Variants in NOS1AP observed in about 807,000 individuals in gnomAD.
The protein encoded by NOS1AP is carboxyl-terminal PDZ ligand of neuronal nitric oxide synthase protein.
Under a neutral mutation model 56.2 loss-of-function variants are expected in NOS1AP, and 21 were observed. The ratio of observed to expected loss-of-function variants is 0.37; its 90% CI spans 0.26 to 0.54. The LOEUF (loss-of-function observed/expected upper bound fraction) is 0.54. NOS1AP is among the 20% of genes least tolerant of loss of function. The probability of loss-of-function intolerance (pLI) is 0.84; values close to 1 mark genes in which losing one functional copy is unlikely to be tolerated. For synonymous variants in NOS1AP, 270 were observed against 274.6 expected (o/e 0.98, Z 0.17); for missense variants, 522 against 657.8 (o/e 0.79, Z 2.26).
At position 162,142,768 on chromosome 1, in the gene NOS1AP, T is replaced by C. The variant is rs558660563; in HGVS notation, c.106-11637T>C. Among the ~76,000 whole-genome samples the C allele has an allele frequency of 5.3e-5, 8 of 152,326 alleles. No homozygotes were observed. The South Asian group carries it at 1.4e-3, about 28-fold the overall frequency. ...TTAATAGTAGTCTGGAGCCATTCCTTGCAGGGTCGTTGCTGACTTGTAACT... is the reference window on the plus strand; with the variant it reads ...TTAATAGTAGTCTGGAGCCATTCCTCGCAGGGTCGTTGCTGACTTGTAACT... On this transcript the variant is annotated intron_variant, in intron 1 of 9. Coordinates refer to ENST00000361897, the MANE Select transcript of NOS1AP (RefSeq NM_014697.3).
chr1:162,284,764 G>A (rs1268837968), intron 2 of NOS1AP, among the ~76,000 whole-genome samples: 1 of 152,198 alleles, frequency 6.6e-6, no homozygotes, highest in Non-Finnish European at 1.5e-5. Context: ...AAATAGATAA[G>A]GTTTCAGATA....
intron 2 of NOS1AP, among the ~76,000 whole-genome samples, chr1:162,258,574 C>T (rs1654109010): frequency 6.6e-6 from 1 of 152,160 alleles, no homozygotes; most frequent in Non-Finnish European, 1.5e-5. Context: ...GGCTTAACTC[C>T]CAGCTCCAGA....
rs1651826528 is a variant in NOS1AP at position 162,196,966 on chromosome 1, G to A, written c.177+42490G>A. On this transcript the variant is annotated intron_variant, in intron 2 of 9. Transcript: ENST00000361897. The stretch of plus-strand genomic sequence containing the variant: ...GGCAGTAGCATTTCATTTTCCAGCT[G>A]TAACTAAATGAGAAATTACGAGGAG... Among the ~76,000 whole-genome samples, 3 of 152,000 alleles carry A rather than the reference G, an allele frequency of 2.0e-5. No individual in the cohort carries two copies. The South Asian group carries it at 6.2e-4, about 32-fold the overall frequency.
chr1:162,074,064 T>C (rs1691720066), intron 1 of NOS1AP, among the ~76,000 whole-genome samples: 1 of 152,230 alleles, frequency 6.6e-6, no homozygotes, highest in African/African-American at 2.4e-5. Flanking sequence ...CTTATATCTG[T>C]AGGTGATTTT....
At chr1:162,324,467 A>G (rs573252478) in intron 4 of NOS1AP, among the ~76,000 whole-genome samples, 72 of 137,472 alleles carry the variant, frequency 5.2e-4, no homozygotes, top group African/African-American at 2.0e-3. Flanking sequence ...AGTACTGAAC[A>G]AGAAGAAATT....
intron 1 of NOS1AP, among the ~76,000 whole-genome samples, chr1:162,122,768 G>C (rs1004513691): frequency 6.6e-5 from 10 of 152,138 alleles, no homozygotes; most frequent in Admixed American, 6.5e-4. Context: ...GCCTCCCAAA[G>C]TGTTGGGGTT....
At chr1:162,288,068 CT>C (rs1340308151) in intron 3 of NOS1AP, among the ~76,000 whole-genome samples, 1 of 152,162 alleles carries the variant, frequency 6.6e-6, no homozygotes, top group Non-Finnish European at 1.5e-5. Flanking sequence ...TGTTTAAACA[CT>C]TGTCTGTTTT....
At chr1:162,350,505 T>C (rs565943315) in intron 6 of NOS1AP, among the ~76,000 whole-genome samples, 1 of 152,376 alleles carries the variant, frequency 6.6e-6, no homozygotes, top group South Asian at 2.1e-4. Context: ...TTGTGCCCTA[T>C]ACTGCTTCTC....
chr1:162,185,005 C>T (rs1463530370), intron 2 of NOS1AP, among the ~76,000 whole-genome samples: 1 of 152,236 alleles, frequency 6.6e-6, no homozygotes, highest in Non-Finnish European at 1.5e-5. Flanking sequence ...CTGTTTCTTT[C>T]TGGAGCTCCA....
At chr1:162,149,208 A>G (rs1356910347) in intron 1 of NOS1AP, among the ~76,000 whole-genome samples, 1 of 152,226 alleles carries the variant, frequency 6.6e-6, no homozygotes, top group Non-Finnish European at 1.5e-5. Context: ...CCACCAGTGT[A>G]TCAGTCTTTG....
intron 2 of NOS1AP, among the ~76,000 whole-genome samples, chr1:162,279,555 A>G (rs755586777): frequency 2.0e-5 from 3 of 152,210 alleles, no homozygotes; most frequent in Non-Finnish European, 2.9e-5. Context: ...GCCCTCCTTA[A>G]GTTCAGAAGG....
At chr1:162,357,179 T>C in intron 8 of NOS1AP, 43 bp downstream of exon 8, 1 of 1,590,574 alleles carries the variant, frequency 6.3e-7, no homozygotes, top group Non-Finnish European at 8.5e-7. Flanking sequence ...TCCACTCTCA[T>C]GGGCTTGATG....
At chr1:162,309,762 A>G (rs964854824) in intron 4 of NOS1AP, among the ~76,000 whole-genome samples, 4 of 152,242 alleles carry the variant, frequency 2.6e-5, no homozygotes, top group Non-Finnish European at 5.9e-5. Flanking sequence ...AGTGAGATCA[A>G]ATAAATATGT....
intron 2 of NOS1AP, among the ~76,000 whole-genome samples, chr1:162,244,584 C>T (rs760641303): frequency 2.6e-5 from 4 of 152,156 alleles, no homozygotes; most frequent in East Asian, 1.9e-4. Flanking sequence ...ACCCAGGTCT[C>T]CTGGCTCTCA....
chr1:162,271,149 G>A (rs543383620), intron 2 of NOS1AP, among the ~76,000 whole-genome samples: 26 of 152,112 alleles, frequency 1.7e-4, no homozygotes, highest in African/African-American at 5.8e-4. Context: ...GGGGGTGTGC[G>A]TGCAGTTTTT....
chr1:162,311,711 T>A (rs1377305552), intron 4 of NOS1AP, among the ~76,000 whole-genome samples: 1 of 148,216 alleles, frequency 6.7e-6, no homozygotes, highest in Admixed American at 6.7e-5. Context: ...TAGGTATATC[T>A]CCCGATGCTA....
At chr1:162,200,026 C>T (rs1214721408) in intron 2 of NOS1AP, among the ~76,000 whole-genome samples, 3 of 152,128 alleles carry the variant, frequency 2.0e-5, no homozygotes, top group Admixed American at 1.3e-4. Context: ...GGCATGTTAC[C>T]ACGCGAGATC....
chr1:162,340,208 A>G (rs115211235), intron 5 of NOS1AP, among the ~76,000 whole-genome samples: 1,659 of 152,324 alleles, frequency 0.011, 29 homozygotes, highest in African/African-American at 0.038. Flanking sequence ...AAGGAGTAAA[A>G]TAAAGGATAA....
At chr1:162,292,370 G>T (rs1258674692) in intron 3 of NOS1AP, among the ~76,000 whole-genome samples, 1 of 152,230 alleles carries the variant, frequency 6.6e-6, no homozygotes, top group Non-Finnish European at 1.5e-5. Context: ...TACACACTAA[G>T]GTGATAATGA....
Sources: allele counts gnomAD v4.1 joint callset (sites outside exome capture counted in the v4.1 genomes callset), GRCh38; gene constraint gnomAD v4.1.1; transcripts MANE v1.5; gene names NCBI Gene and HGNC (gene_info 2026-07-23, HGNC 2026-07-21).